The following MYOM2 variants were observed in gnomAD, a reference collection of about 807,000 sequenced individuals.
MYOM2 encodes the protein myomesin-2.
Under a neutral mutation model 187.6 loss-of-function variants are expected in MYOM2, and 254 were observed. The observed-to-expected ratio is 1.35, with a 90% CI of 1.22 to 1.50. MYOM2 has a LOEUF of 1.50. Among genes scored for constraint, MYOM2 ranks in the 40% most tolerant of loss-of-function variants. The probability of loss-of-function intolerance (pLI) is 0.00; values close to 1 mark genes in which losing one functional copy is unlikely to be tolerated. For missense variants in MYOM2, 2,796 were observed against 1,924.0 expected, an observed-to-expected ratio of 1.45 and a Z score of -8.48; for synonymous variants, 981 against 753.8, an observed-to-expected ratio of 1.30 and a Z score of -4.94.
At chr8:2,097,301 C>T (rs1796528083) in intron 18 of MYOM2, 1 of 158,744 alleles carries the variant, frequency 6.3e-6, no homozygotes, top group Non-Finnish European at 1.4e-5. Flanking sequence ...CCACGTTCAA[C>T]CTCTGTTCTG....
chr8:2,071,214 C>G (rs752254), intron 8 of MYOM2, among the ~76,000 whole-genome samples: 3 of 151,496 alleles, frequency 2.0e-5, no homozygotes, highest in South Asian at 2.1e-4. Context: ...AGGTTGTTCT[C>G]GAACTCCTGG....
At chr8:2,129,505 A>G (rs190011066) in intron 32 of MYOM2, among the ~76,000 whole-genome samples, 19 of 152,330 alleles carry the variant, frequency 1.2e-4, no homozygotes, top group African/African-American at 4.3e-4. Flanking sequence ...CTTTACTGGT[A>G]ACACAGATTT....
chr8:2,106,314 C>G lies in MYOM2; in HGVS notation c.2807C>G (p.Thr936Arg). The change falls in exon 22 of 37, where the codon ACA (threonine) becomes AGA (arginine). Residue 936 changes from threonine (T) to arginine (R), a missense_variant. Thr to Arg is a moderately conservative substitution (Grantham distance 71). Transcript: ENST00000262113. ...CTGGGCTTCGACTGCCAGGAAATGA[C>G]AGACGCGTCTCAGTTCACCTGGTGT... ...IYLGFDCQEM[T>R]DASQFTWCKS... The G allele has an allele frequency of 6.2e-7, 1 of 1,614,160 alleles. No individual in the cohort carries two copies. Among genetic ancestry groups the G allele is most frequent in the South Asian group, 1.1e-5 (1 of 91,082 alleles).
chr8:2,074,674 C>T (rs1433223501), intron 10 of MYOM2, among the ~76,000 whole-genome samples: 2 of 152,134 alleles, frequency 1.3e-5, no homozygotes, highest in South Asian at 2.1e-4. Flanking sequence ...AGGCTGGTCT[C>T]GAACTCTTGA....
At chr8:2,063,444 G>A (rs997389883) in intron 6 of MYOM2, among the ~76,000 whole-genome samples, 1 of 152,128 alleles carries the variant, frequency 6.6e-6, no homozygotes, top group African/African-American at 2.4e-5. Context: ...TGTTTTATAT[G>A]CTCATAAGAT....
intron 35 of MYOM2, among the ~76,000 whole-genome samples, chr8:2,143,063 C>T (rs889599460): frequency 6.6e-6 from 1 of 151,958 alleles, no homozygotes; most frequent in Admixed American, 6.6e-5. Context: ...GCCAGGACCC[C>T]GTCACTTTCT....
intron 11 of MYOM2, among the ~76,000 whole-genome samples, chr8:2,077,654 G>A (rs939666941): frequency 6.6e-6 from 1 of 152,064 alleles, no homozygotes; most frequent in African/African-American, 2.4e-5. Flanking sequence ...TTTTCTCCTG[G>A]GACAGCTGAT....
At chr8:2,135,178 C>G (rs1052379492) in intron 32 of MYOM2, among the ~76,000 whole-genome samples, 3 of 152,172 alleles carry the variant, frequency 2.0e-5, no homozygotes, top group Non-Finnish European at 2.9e-5. Flanking sequence ...TTACATCAAG[C>G]AGTTTCAGAA....
At chr8:2,077,149 A>G (rs1238860338) in intron 11 of MYOM2, among the ~76,000 whole-genome samples, 1 of 152,050 alleles carries the variant, frequency 6.6e-6, no homozygotes, top group Non-Finnish European at 1.5e-5. Flanking sequence ...GTCTCTACTA[A>G]AAATACAAAA....
chr8:2,073,251 G>T (rs779043622), intron 9 of MYOM2, 88 bp from the exon 10 acceptor site: 1 of 1,445,784 alleles, frequency 6.9e-7, no homozygotes. Flanking sequence ...GTCCTGTCCC[G>T]CTCTGAGACG....
At chr8:2,098,798 C>T (rs188646588) in intron 18 of MYOM2, 59 bp from the exon 19 acceptor site, 12 of 1,523,932 alleles carry the variant, frequency 7.9e-6, no homozygotes, top group Admixed American at 1.8e-5. Flanking sequence ...ACTCCTCCCC[C>T]TCAGTGGGCT....
chr8:2,047,938 ATAGC>A (rs1271827336), intron 1 of MYOM2, among the ~76,000 whole-genome samples: 1 of 152,232 alleles, frequency 6.6e-6, no homozygotes, highest in Non-Finnish European at 1.5e-5. Flanking sequence ...TGGTTGAAGG[ATAGC>A]TAGTCTGTGA....
At chr8:2,078,653 G>A in intron 11 of MYOM2, 81 bp from the exon 12 acceptor site, 1 of 1,231,732 alleles carries the variant, frequency 8.1e-7, no homozygotes, top group Non-Finnish European at 1.2e-6. Context: ...ATCAGTGTGT[G>A]CATATATGCA....
chr8:2,130,851 T>C (rs1797839246), intron 32 of MYOM2, among the ~76,000 whole-genome samples: 1 of 152,234 alleles, frequency 6.6e-6, no homozygotes, highest in Non-Finnish European at 1.5e-5. Flanking sequence ...GGATTTATTT[T>C]GTGGGACAAT....
Position 2,140,703 on chromosome 8 carries a change from T to TA in MYOM2, c.3801-20_3801-19insA. The TA allele has an allele frequency of 6.2e-7, 1 of 1,612,274 alleles. No individual in the cohort carries two copies. The highest frequency in any genetic ancestry group is 1.7e-5 in the Admixed American group (1 of 59,806). On this transcript the variant is annotated intron_variant, in intron 32 of 36. Transcript: ENST00000262113. ...ACATGGAGACCCTAACTCAGATACGTTCCTGTTGCTCTTTTCAAGAGATGC... is the reference window on the plus strand; with the variant it reads ...ACATGGAGACCCTAACTCAGATACGTATCCTGTTGCTCTTTTCAAGAGATGC...
intron 14 of MYOM2, among the ~76,000 whole-genome samples, chr8:2,086,942 T>TC (rs1404938898): frequency 6.6e-6 from 1 of 152,066 alleles, no homozygotes; most frequent in Non-Finnish European, 1.5e-5. Context: ...GAAAGCTTTT[T>TC]TTTTTTCCTG....
intron 18 of MYOM2, among the ~76,000 whole-genome samples, chr8:2,096,845 C>G (rs1391146482): frequency 6.6e-6 from 1 of 152,166 alleles, no homozygotes; most frequent in Non-Finnish European, 1.5e-5. Context: ...TTGTCACCCA[C>G]CATTTCCCTG....
chr8:2,105,162 A>G (rs896719223), intron 21 of MYOM2, among the ~76,000 whole-genome samples: 2 of 152,100 alleles, frequency 1.3e-5, no homozygotes, highest in Non-Finnish European at 2.9e-5. Context: ...GATCATCCAC[A>G]TCCAAACCAC....
At position 2,076,196 on chromosome 8, in the gene MYOM2, C is replaced by A. The variant is rs754313122; in HGVS notation, c.1176C>A (p.His392Gln). Residue 392 changes from histidine to glutamine, a missense_variant, in exon 11 of 37, where the codon CAC becomes CAA. By Grantham distance (24) the His-to-Gln change is conservative. Coordinates refer to ENST00000262113, the MANE Select transcript of MYOM2 (RefSeq NM_003970.4). ...APGAPMDLQC[H>Q]DANRDYVIVT... ...GTGCACCCATGGACTTGCAGTGCCA[C>A]GACGCCAACCGGGACTACGTCATCG... 1.2e-6 allele frequency: 2 copies of A among 1,613,374 alleles called. No homozygotes were observed. The highest frequency in any genetic ancestry group is 1.1e-5 in the South Asian group (1 of 90,884).
Sources: gnomAD v4.1 joint callset for allele counts (sites outside exome capture counted in the v4.1 genomes callset) on GRCh38, gnomAD v4.1.1 for gene constraint, MANE v1.5 for transcripts, NCBI Gene and HGNC (gene_info 2026-07-23, HGNC 2026-07-21) for gene names.